Variants in PCDHGA4 observed in about 807,000 individuals in gnomAD.
The protein encoded by PCDHGA4 is protocadherin gamma subfamily A, 4, also known as protocadherin gamma-A4.
A neutral mutation model predicts 54.6 loss-of-function variants in PCDHGA4; 38 were observed. The observed-to-expected ratio is 0.70, with a 90% CI of 0.54 to 0.91. PCDHGA4 has a LOEUF of 0.91. Among genes scored for constraint, PCDHGA4 ranks in the 40% least tolerant of loss-of-function variants. The pLI, the probability that PCDHGA4 is intolerant of heterozygous loss-of-function variation, is 0.00. For synonymous variants in PCDHGA4, 511 were observed against 512.9 expected, an observed-to-expected ratio of 1.00 and a Z score of 0.05; for missense variants, 1,298 against 1,220.9, an observed-to-expected ratio of 1.06 and a Z score of -0.94.
chr5:141,489,080 C>CCCA lies in PCDHGA4; in HGVS notation c.2515-5727_2515-5726insCCA. On this transcript the variant is annotated intron_variant, in intron 1 of 3. Coordinates refer to ENST00000571252, the MANE Select transcript of PCDHGA4 (RefSeq NM_018917.4). This position sits in a 1 kb window ranked among gnomAD's most constrained non-coding sequence, Gnocchi z 4.5. ...TCCCCTCCCCCCTGCCCACCCCCGC[C>CCCA]ACTCGGTGACTAAGAACTGCTGCAA... 3.0e-6 allele frequency: 1 copy of CCCA among 336,172 alleles called. No individual in the cohort carries two copies. The highest frequency in any genetic ancestry group is 5.5e-5 in the East Asian group (1 of 18,342). 20.8% of individuals were successfully genotyped at this position (336,172 alleles called of 1,614,324 possible).
rs764987054 is a variant in PCDHGA4, at chr5:141,372,683, C to G, written c.2514+15062C>G. 9 of 1,613,826 alleles carry G rather than the reference C, an allele frequency of 5.6e-6. No homozygotes were observed. In the East Asian group the frequency reaches 1.8e-4, roughly 32 times the overall value. On this transcript the variant is annotated intron_variant, in intron 1 of 3. Transcript: ENST00000571252. ...GTGCTGCCTCACATTCCTCAAACACCGAGTTTAAATTTCTCAATATAAAGG... is the reference window on the plus strand; with the variant it reads ...GTGCTGCCTCACATTCCTCAAACACGGAGTTTAAATTTCTCAATATAAAGG...
chr5:141,417,613 G>A (rs984573855), intron 1 of PCDHGA4: 2 of 624,312 alleles, frequency 3.2e-6, no homozygotes, highest in African/African-American at 3.7e-5. Flanking sequence ...GTCGGCCAGT[G>A]CAGAGCAAGC....
At position 141,486,092 on chromosome 5, in the gene PCDHGA4, C is replaced by T. The variant is rs2099624294; in HGVS notation, c.2515-8715C>T. The T allele has an allele frequency of 3.7e-6, 6 of 1,614,148 alleles. No homozygotes were observed. In the East Asian group the frequency reaches 1.3e-4, roughly 36 times the overall value. On this transcript the variant is annotated intron_variant, in intron 1 of 3. Coordinates refer to ENST00000571252, the MANE Select transcript of PCDHGA4 (RefSeq NM_018917.4). This position sits in a 1 kb window ranked among gnomAD's most constrained non-coding sequence, Gnocchi z 5.0. Reference sequence around the variant, plus strand: ...TACTGGAAAGCTTACTCTTTTGGGGCCCCTAGACTTTGAGAGTGAGAATTA... The same window carrying T: ...TACTGGAAAGCTTACTCTTTTGGGGTCCCTAGACTTTGAGAGTGAGAATTA...
At chr5:141,385,448 AC>A (rs1336219074) in intron 1 of PCDHGA4, 2 of 1,449,614 alleles carry the variant, frequency 1.4e-6, no homozygotes, top group Non-Finnish European at 9.1e-7. Flanking sequence ...AAATGAGTTT[AC>A]CAGTTTCCTT....
At chr5:141,424,959 C>A (rs1561817087) in intron 1 of PCDHGA4, among the ~76,000 whole-genome samples, 4 of 152,152 alleles carry the variant, frequency 2.6e-5, no homozygotes, top group Non-Finnish European at 5.9e-5. Flanking sequence ...TAGGTATTTG[C>A]CCCAAATTAC....
At chr5:141,455,634 G>T (rs1429708887) in intron 1 of PCDHGA4, among the ~76,000 whole-genome samples, 1 of 152,110 alleles carries the variant, frequency 6.6e-6, no homozygotes, top group African/African-American at 2.4e-5. Context: ...GAGATATGTG[G>T]GGGGCAGCCA....
chr5:141,489,297 G>T lies in PCDHGA4; in HGVS notation c.2515-5510G>T. On this transcript the variant is annotated intron_variant, in intron 1 of 3. Transcript: ENST00000571252. This position sits in a 1 kb window ranked among gnomAD's most constrained non-coding sequence, Gnocchi z 4.5. Reference sequence around the variant, plus strand: ...GGAAATGGCAAGTGCTGTGCATGTTGTCCTTGTGCTGCTGGGGCTGGGTGT... The same window carrying T: ...GGAAATGGCAAGTGCTGTGCATGTTTTCCTTGTGCTGCTGGGGCTGGGTGT... 1.9e-6 allele frequency: 3 copies of T among 1,583,774 alleles called. No homozygotes were observed. Among genetic ancestry groups the T allele is most frequent in the Non-Finnish European group, 8.6e-7 (1 of 1,164,904 alleles).
chr5:141,371,268 T>C (rs757493247), intron 1 of PCDHGA4: 1 of 1,614,026 alleles, frequency 6.2e-7, no homozygotes, highest in Non-Finnish European at 8.5e-7. Flanking sequence ...GAGACAACTG[T>C]TCAAGCTGGA....
chr5:141,416,817 C>T (rs1197915095), intron 1 of PCDHGA4: 1 of 151,958 alleles, frequency 6.6e-6, no homozygotes, highest in Non-Finnish European at 1.5e-5. Flanking sequence ...AAAAAGCATT[C>T]CGAAGTTTCT....
chr5:141,488,014 C>T (rs2099670661), intron 1 of PCDHGA4, among the ~76,000 whole-genome samples: 1 of 152,120 alleles, frequency 6.6e-6, no homozygotes, highest in South Asian at 2.1e-4. Context: ...TCTGAAGTAC[C>T]TTAACTCTAG....
intron 1 of PCDHGA4, chr5:141,389,758 G>A: frequency 1.2e-6 from 2 of 1,612,792 alleles, no homozygotes; most frequent in Non-Finnish European, 1.7e-6. Flanking sequence ...GGCGAAGTGC[G>A]CACAGCGCGT....
intron 1 of PCDHGA4, among the ~76,000 whole-genome samples, chr5:141,467,087 C>T (rs1159093881): frequency 3.4e-5 from 5 of 147,240 alleles, no homozygotes; most frequent in African/African-American, 1.3e-4. Context: ...AAGTCTCACT[C>T]TGTCACACAG....
In PCDHGA4 at chr5:141,432,460, C is replaced by T; in HGVS notation, c.2515-62347C>T. The T allele has an allele frequency of 6.2e-7, 1 of 1,614,208 alleles. No homozygotes were observed. The highest frequency in any genetic ancestry group is 8.5e-7 in the Non-Finnish European group (1 of 1,180,044). On this transcript the variant is annotated intron_variant, in intron 1 of 3. Transcript: ENST00000571252. This position sits in a 1 kb window ranked among gnomAD's most constrained non-coding sequence, Gnocchi z 6.0. ...CGCCCGAGATCCTGTACCCCGCCCTCCCCACGGACGGTTCCACTGGCGTGG... is the reference window on the plus strand; with the variant it reads ...CGCCCGAGATCCTGTACCCCGCCCTTCCCACGGACGGTTCCACTGGCGTGG...
rs774563598 is a variant in PCDHGA4 at position 141,431,225 on chromosome 5, C to T, written c.2515-63582C>T. 16 of 1,614,118 alleles carry T rather than the reference C, an allele frequency of 9.9e-6. No individual in the cohort carries two copies. The highest frequency in any genetic ancestry group is 1.2e-5 in the Non-Finnish European group (14 of 1,180,036). On this transcript the variant is annotated intron_variant, in intron 1 of 3. Transcript: ENST00000571252. The surrounding 1 kb of genome is among the most constrained non-coding windows in gnomAD (Gnocchi z 4.8). ...CACTGAGATGCGGTTCCCTCTACCC[C>T]ACGCCTGGGATCCGGATATCGGGAA...
At chr5:141,389,883 C>A in intron 1 of PCDHGA4, 1 of 1,614,084 alleles carries the variant, frequency 6.2e-7, no homozygotes. Context: ...CGACAGCTTG[C>A]AGGAGGTGCT....
At position 141,491,884 on chromosome 5, in the gene PCDHGA4, G is replaced by A. The variant is rs745931108; in HGVS notation, c.2515-2923G>A. The A allele has an allele frequency of 2.8e-6, 4 of 1,446,372 alleles. No homozygotes were observed. The highest frequency in any genetic ancestry group is 2.9e-5 in the Admixed American group (1 of 34,718). 89.6% of individuals were successfully genotyped at this position (1,446,372 alleles called of 1,614,324 possible). ...AACCAGAGTGGCCGATTAAGGGATG[G>A]GGCTCCGAGCACCGGGGGTGGTGGC... On this transcript the variant is annotated intron_variant, in intron 1 of 3. Coordinates refer to ENST00000571252, the MANE Select transcript of PCDHGA4 (RefSeq NM_018917.4). This position sits in a 1 kb window ranked among gnomAD's most constrained non-coding sequence, Gnocchi z 6.9.
At position 141,392,919 on chromosome 5, in the gene PCDHGA4, C is replaced by T. The variant is rs1220575114; in HGVS notation, c.2514+35298C>T. On this transcript the variant is annotated intron_variant, in intron 1 of 3. Coordinates refer to ENST00000571252, the MANE Select transcript of PCDHGA4 (RefSeq NM_018917.4). The stretch of plus-strand genomic sequence containing the variant: ...GAGGGGACAGATTCGCTACTCTGTG[C>T]CAGAAGAGACGGACAAAGGCTCCTT... 5.0e-6 allele frequency: 8 copies of T among 1,613,762 alleles called. No individual in the cohort carries two copies. The African/African-American group carries it at 1.1e-4, about 22-fold the overall frequency.
chr5:141,474,993 C>A (rs1313232385), intron 1 of PCDHGA4, among the ~76,000 whole-genome samples: 24 of 152,324 alleles, frequency 1.6e-4, no homozygotes. Context: ...GACAACAATT[C>A]TAAATGCAGA....
chr5:141,394,795 C>T (rs543209610), intron 1 of PCDHGA4: 1 of 1,613,676 alleles, frequency 6.2e-7, no homozygotes, highest in Non-Finnish European at 8.5e-7. Context: ...GTCACGCTCA[C>T]CGTAGCCGTG....
Sources: allele counts gnomAD v4.1 joint callset (sites outside exome capture counted in the v4.1 genomes callset), GRCh38; gene constraint gnomAD v4.1.1; non-coding constraint Gnocchi (gnomAD v3.1); transcripts MANE v1.5; gene names NCBI Gene and HGNC (gene_info 2026-07-23, HGNC 2026-07-21).